Variants in COL28A1 observed in about 807,000 individuals in gnomAD.
COL28A1 encodes the protein collagen alpha-1(XXVIII) chain.
Under a neutral mutation model 150.2 loss-of-function variants are expected in COL28A1, and 161 were observed. The observed-to-expected ratio is 1.07, with a 90% confidence interval of 0.94 to 1.22. COL28A1 has a LOEUF of 1.22. COL28A1 is among the 50% of genes most tolerant of loss of function. COL28A1 has a pLI of 0.00. For missense variants in COL28A1, 1,617 were observed against 1,388.3 expected (o/e 1.16, Z -2.62); for synonymous variants, 552 against 469.7 (o/e 1.18, Z -2.26).
intron 27 of COL28A1, among the ~76,000 whole-genome samples, chr7:7,382,066 T>C (rs1246869521): frequency 6.6e-6 from 1 of 152,180 alleles, no homozygotes; most frequent in Non-Finnish European, 1.5e-5. Context: ...TCCCAGCACT[T>C]TGGGAGGCTG....
the COL28A1 span, among the ~76,000 whole-genome samples, chr7:7,343,939 T>C: frequency 6.6e-6 from 1 of 151,914 alleles, no homozygotes; most frequent in South Asian, 2.1e-4. Context: ...GCCCTGGAGT[T>C]TGGAGGCTGC....
chr7:7,522,062 T>A (rs2115202440), intron 4 of COL28A1, 101 bp from the exon 5 acceptor site: 1 of 756,664 alleles, frequency 1.3e-6, no homozygotes, highest in East Asian at 2.6e-5. Flanking sequence ...GTATTTCAAA[T>A]AAATTTCAAA....
chr7:7,408,574 G>A (rs1783615933), intron 27 of COL28A1, among the ~76,000 whole-genome samples: 1 of 152,094 alleles, frequency 6.6e-6, no homozygotes, highest in South Asian at 2.1e-4. Context: ...GAAAGAACTT[G>A]GTAAGTCTTT....
chr7:7,536,440 T>C (rs1782641594), upstream of COL28A1, among the ~76,000 whole-genome samples: 1 of 152,166 alleles, frequency 6.6e-6, no homozygotes, highest in African/African-American at 2.4e-5. Context: ...GTAGATTTAA[T>C]CATTTATTAA....
Position 7,395,736 on chromosome 7 carries a change from G to C in COL28A1, c.2137-14124C>G, listed in dbSNP as rs17167228. Among the ~76,000 whole-genome samples the C allele has an allele frequency of 9.6e-3, 1,464 of 152,310 alleles. 21 individuals are homozygous for C. Among genetic ancestry groups the C allele is most frequent in the African/African-American group, 0.034 (1,408 of 41,576 alleles). On this transcript the variant is annotated intron_variant, in intron 27 of 34. Coordinates refer to ENST00000399429, the MANE Select transcript of COL28A1 (RefSeq NM_001037763.3). The stretch of plus-strand genomic sequence containing the variant: ...ATGCAATCATGCAACCATATCAAAA[G>C]TTTAAACCCATCCCCACTACTTTTT...
At chr7:7,521,824 T>C (rs1029385282) in intron 5 of COL28A1, 81 bp downstream of exon 5, 9 of 811,562 alleles carry the variant, frequency 1.1e-5, no homozygotes, top group African/African-American at 1.7e-5. Flanking sequence ...CAGTGCAAAA[T>C]AGCCCCGATG....
chr7:7,502,851 C>T lies in COL28A1; in HGVS notation c.1026+3163G>A, dbSNP rs1780611651. Among the ~76,000 whole-genome samples, 5 of 97,074 alleles carry T rather than the reference C, an allele frequency of 5.2e-5. 1 individual carries two copies. Among genetic ancestry groups the T allele is most frequent in the Non-Finnish European group, 9.1e-5 (5 of 54,884 alleles). 63.7% of individuals were successfully genotyped at this position (97,074 alleles called of 152,430 possible). ...TAGCTGGGACTACAGGCGCCCGCTA[C>T]CACGCCCGGCTAATTTTTTGTATTT... On this transcript the variant is annotated intron_variant, in intron 11 of 34. Coordinates refer to ENST00000399429, the MANE Select transcript of COL28A1 (RefSeq NM_001037763.3).
At chr7:7,517,479 A>C (rs1381139592) in intron 7 of COL28A1, among the ~76,000 whole-genome samples, 1 of 152,184 alleles carries the variant, frequency 6.6e-6, no homozygotes, top group East Asian at 1.9e-4. Context: ...ATTCTAACTT[A>C]TTCTTTATCT....
intron 9 of COL28A1, 89 bp downstream of exon 9, chr7:7,511,002 C>G: frequency 1.0e-6 from 1 of 1,000,492 alleles, no homozygotes; most frequent in East Asian, 2.4e-5. Flanking sequence ...GTAGTGAGAT[C>G]ACCATAATTC....
At chr7:7,474,563 T>G in intron 15 of COL28A1, 38 bp downstream of exon 15, 1 of 877,452 alleles carries the variant, frequency 1.1e-6, no homozygotes, top group Non-Finnish European at 1.9e-6. Context: ...GACAATTTTA[T>G]TGGCATTGTT....
intron 13 of COL28A1, among the ~76,000 whole-genome samples, chr7:7,482,661 T>C (rs1436931655): frequency 1.3e-5 from 2 of 152,186 alleles, no homozygotes; most frequent in Non-Finnish European, 2.9e-5. Flanking sequence ...TCTGTAATTA[T>C]GACTTGGAAA....
intron 27 of COL28A1, among the ~76,000 whole-genome samples, chr7:7,382,237 G>T (rs1039417039): frequency 2.6e-5 from 4 of 151,844 alleles, no homozygotes; most frequent in Non-Finnish European, 5.9e-5. Context: ...TTGAACCCAG[G>T]AGGCAGAGGT....
intron 25 of COL28A1, among the ~76,000 whole-genome samples, chr7:7,420,936 G>A (rs1784364657): frequency 6.6e-6 from 1 of 152,160 alleles, no homozygotes; most frequent in Non-Finnish European, 1.5e-5. Flanking sequence ...ACAGTTTGGT[G>A]GTTTAAGGTT....
intron 6 of COL28A1, among the ~76,000 whole-genome samples, chr7:7,518,482 A>AT (rs1265248242): frequency 2.0e-5 from 3 of 151,884 alleles, no homozygotes; most frequent in Non-Finnish European, 4.4e-5. Context: ...TTAACTTTTG[A>AT]TTTTTTTCAT....
chr7:7,410,807 C>T (rs898253565), intron 27 of COL28A1, among the ~76,000 whole-genome samples: 1 of 152,044 alleles, frequency 6.6e-6, no homozygotes, highest in Non-Finnish European at 1.5e-5. Flanking sequence ...AGGAAAAATT[C>T]CTCATGTCAA....
At chr7:7,512,124 A>C (rs1781175109) in intron 8 of COL28A1, among the ~76,000 whole-genome samples, 1 of 152,204 alleles carries the variant, frequency 6.6e-6, no homozygotes, top group African/African-American at 2.4e-5. Context: ...ACAGAAAGAC[A>C]AATATGGCAT....
chr7:7,432,655 CTT>C lies in COL28A1; in HGVS notation c.1904_1905del (p.Lys635ArgfsTer2). On this transcript the variant is annotated frameshift_variant, in exon 24 of 35. Coordinates refer to ENST00000399429, the MANE Select transcript of COL28A1 (RefSeq NM_001037763.3). LOFTEE classifies it high-confidence loss of function. ...ACAGGCACACCAGGATAGCCATCAC[CTT>C]TGAGTCCTGGAGCACCCACTGGTCC... ...PRGPVGAPGLKGDGYPGVPGP... is the reference protein window; with the variant it reads ...PRGPVGAPGLXGDGYPGVPGP... 1 of 1,614,058 alleles carries C rather than the reference CTT, an allele frequency of 6.2e-7. No homozygotes were observed. Among genetic ancestry groups the C allele is most frequent in the Non-Finnish European group, 8.5e-7 (1 of 1,180,006 alleles).
chr7:7,398,539 C>G (rs962497548), intron 27 of COL28A1, among the ~76,000 whole-genome samples: 11 of 152,172 alleles, frequency 7.2e-5, no homozygotes, highest in African/African-American at 2.7e-4. Flanking sequence ...TGAAATTGTT[C>G]TTAGTTTAAG....
At chr7:7,540,356 TGG>T (rs1782763390), upstream of COL28A1, among the ~76,000 whole-genome samples, 1 of 152,264 alleles carries the variant, frequency 6.6e-6, no homozygotes, top group Non-Finnish European at 1.5e-5. Flanking sequence ...TTCTAGATCT[TGG>T]TGAATTATTT....
Sources: gnomAD v4.1 joint callset for allele counts (sites outside exome capture counted in the v4.1 genomes callset) on GRCh38, gnomAD v4.1.1 for gene constraint, MANE v1.5 for transcripts, NCBI Gene and HGNC (gene_info 2026-07-23, HGNC 2026-07-21) for gene names.